MLXIPL: variants seen among roughly 807,000 people sequenced by gnomAD.
MLXIPL encodes carbohydrate-responsive element-binding protein.
A neutral mutation model predicts 81.5 loss-of-function variants in MLXIPL; 49 were observed. That is an observed-to-expected ratio of 0.60 (90% CI 0.48 to 0.76). MLXIPL has a LOEUF of 0.76. MLXIPL is among the 30% of genes least tolerant of loss of function. The probability of loss-of-function intolerance (pLI) is 0.00; values close to 1 mark genes in which losing one functional copy is unlikely to be tolerated. For synonymous variants in MLXIPL, 466 were observed against 485.5 expected, an observed-to-expected ratio of 0.96 and a Z score of 0.53; for missense variants, 1,053 against 1,167.0, an observed-to-expected ratio of 0.90 and a Z score of 1.42.
At chr7:73,599,308 C>G (rs1202722397) in intron 8 of MLXIPL, among the ~76,000 whole-genome samples, 1 of 151,630 alleles carries the variant, frequency 6.6e-6, no homozygotes, top group Admixed American at 6.6e-5. Context: ...GAGCCCATTC[C>G]ATGGTCTCCA....
At chr7:73,606,577 C>A in intron 5 of MLXIPL, 1 of 317,022 alleles carries the variant, frequency 3.2e-6, no homozygotes, top group Non-Finnish European at 6.1e-6. Flanking sequence ...AGGCATGCGC[C>A]ACTATGCCCG....
chr7:73,632,216 G>A, the MLXIPL span, among the ~76,000 whole-genome samples: 1 of 151,212 alleles, frequency 6.6e-6, no homozygotes, highest in African/African-American at 2.4e-5. Context: ...TGTCCAAGCT[G>A]GTCTTGAACT....
rs782225110 is a variant in MLXIPL, at chr7:73,596,761, G to C, written c.1700C>G (p.Thr567Arg). Residue 567 changes from threonine (T) to arginine (R), a missense_variant, in exon 11 of 17, where the codon ACA becomes AGA. Thr to Arg is a moderately conservative substitution (Grantham distance 71). This residue lies in a region of MLXIPL where 823 missense variants were observed against 933.0 expected (regional missense o/e 0.88). Coordinates refer to ENST00000313375, the MANE Select transcript of MLXIPL (RefSeq NM_032951.3). The surrounding 1 kb of genome is among the most constrained non-coding windows in gnomAD (Gnocchi z 4.7). ...PQETVPEFPC[T>R]FLPPTPAPTP... is the part of the protein sequence containing the mutation. ...AGGGGCCGGGGTCGGGGGAAGGAAT[G>C]TGCAGGGGAATTCAGGGACTGTCTC... is the stretch of plus-strand genomic sequence containing the variant. The C allele has an allele frequency of 9.4e-6, 15 of 1,602,562 alleles. No individual in the cohort carries two copies. In the Admixed American group the frequency reaches 1.0e-4, roughly 11 times the overall value.
chr7:73,645,222 C>A, the MLXIPL span, among the ~76,000 whole-genome samples: 1 of 152,066 alleles, frequency 6.6e-6, no homozygotes, highest in African/African-American at 2.4e-5. Flanking sequence ...AGACACAGAT[C>A]TTTCTATGCT....
intron 1 of MLXIPL, 105 bp downstream of exon 1, chr7:73,624,095 G>A: frequency 2.1e-6 from 3 of 1,401,940 alleles, no homozygotes; most frequent in South Asian, 3.0e-5. Flanking sequence ...CCGCAGGACC[G>A]GGCTCGGGTG....
chr7:73,629,972 ATTT>A, the MLXIPL span, among the ~76,000 whole-genome samples: 5 of 93,378 alleles, frequency 5.4e-5, no homozygotes, highest in Non-Finnish European at 6.7e-5. Flanking sequence ...CTTTTTTATT[ATTT>A]TTATTTATTT....
chr7:73,622,769 C>T (rs1317851519), intron 1 of MLXIPL, among the ~76,000 whole-genome samples: 1 of 151,982 alleles, frequency 6.6e-6, no homozygotes, highest in Non-Finnish European at 1.5e-5. Context: ...TTTGGGGGTG[C>T]GCTCTGTCCC....
the MLXIPL span, among the ~76,000 whole-genome samples, chr7:73,637,975 C>T: frequency 6.6e-6 from 1 of 152,162 alleles, no homozygotes; most frequent in Admixed American, 6.6e-5. Context: ...CCAGGCTCAG[C>T]CTGTCTCAAT....
chr7:73,624,176 G>T (rs1292656720), intron 1 of MLXIPL, 24 bp downstream of exon 1: 16 of 1,142,918 alleles, frequency 1.4e-5, no homozygotes, highest in Admixed American at 2.4e-5. Context: ...AGCCAAGGCC[G>T]TCAGGGCCCG....
At chr7:73,598,752 T>C (rs782574002) in intron 8 of MLXIPL, among the ~76,000 whole-genome samples, 5 of 151,920 alleles carry the variant, frequency 3.3e-5, no homozygotes, top group Non-Finnish European at 7.4e-5. Flanking sequence ...CAGCAACCGA[T>C]TAGAATTAGC....
In MLXIPL at chr7:73,596,803, G is replaced by A; in HGVS notation, c.1672-14C>T. The A allele has an allele frequency of 6.2e-7, 1 of 1,607,794 alleles. No individual in the cohort carries two copies. The highest frequency in any genetic ancestry group is 8.5e-7 in the Non-Finnish European group (1 of 1,177,896). On this transcript the variant is annotated splice_polypyrimidine_tract_variant and intron_variant, in intron 10 of 16. Coordinates refer to ENST00000313375, the MANE Select transcript of MLXIPL (RefSeq NM_032951.3). This position sits in a 1 kb window ranked among gnomAD's most constrained non-coding sequence, Gnocchi z 4.7. ...GACTGTCTCCTGCTGGGGTGGAGAA[G>A]GGCGGAGAGTCGGGTTGAAGGCCGT...
chr7:73,630,285 CT>C, the MLXIPL span, among the ~76,000 whole-genome samples: 35 of 97,838 alleles, frequency 3.6e-4, no homozygotes, highest in South Asian at 1.0e-3. Context: ...GCCAGCTTGT[CT>C]TTTTTTTTTT....
In MLXIPL at chr7:73,596,084, T is replaced by A; in HGVS notation, c.2058+69A>T. The A allele has an allele frequency of 3.8e-6, 6 of 1,597,044 alleles. No homozygotes were observed. Among genetic ancestry groups the A allele is most frequent in the Non-Finnish European group, 5.1e-6 (6 of 1,174,452 alleles). On this transcript the variant is annotated intron_variant, in intron 13 of 16. Coordinates refer to ENST00000313375, the MANE Select transcript of MLXIPL (RefSeq NM_032951.3). This position sits in a 1 kb window ranked among gnomAD's most constrained non-coding sequence, Gnocchi z 4.7. ...TCTGGAGCACTCCCCTGCAATTGAGTTTTGGGTGGGGGGGGTCCAGAAAGG... is the reference window on the plus strand; with the variant it reads ...TCTGGAGCACTCCCCTGCAATTGAGATTTGGGTGGGGGGGGTCCAGAAAGG...
chr7:73,605,829 C>T, intron 6 of MLXIPL, 61 bp from the exon 7 acceptor site: 1 of 1,580,424 alleles, frequency 6.3e-7, no homozygotes, highest in Admixed American at 1.8e-5. Flanking sequence ...TCCCCACCCC[C>T]ATCCCCAGCC....
At position 73,596,651 on chromosome 7, in the gene MLXIPL, G is replaced by C; in HGVS notation, c.1810C>G (p.Pro604Ala). 6.3e-7 allele frequency: 1 copy of C among 1,596,266 alleles called. No homozygotes were observed. Among genetic ancestry groups the C allele is most frequent in the Non-Finnish European group, 8.5e-7 (1 of 1,171,246 alleles). ...CCCCTCTCTTTACCGCTGGGCGCTG[G>C]GGGTGAGAGCCGCTCCGCTTTGGGG... ...LVPKAERLSP[P>A]APSGSERRLS... is the part of the protein sequence containing the mutation. The change falls in exon 11 of 17, where the codon CCA becomes GCA. Residue 604 changes from proline to alanine, a missense_variant. Around this residue, in one of 3 missense-constraint regions of MLXIPL, gnomAD observed 823 missense variants for 933.0 expected, o/e 0.88. Coordinates refer to ENST00000313375, the MANE Select transcript of MLXIPL (RefSeq NM_032951.3). The surrounding 1 kb of genome is among the most constrained non-coding windows in gnomAD (Gnocchi z 4.7).
the MLXIPL span, among the ~76,000 whole-genome samples, chr7:73,638,945 C>T: frequency 1.3e-5 from 2 of 151,736 alleles, no homozygotes; most frequent in Non-Finnish European, 2.9e-5. Context: ...CAACCCAGTA[C>T]TTTTTGACTA....
chr7:73,634,452 C>A, the MLXIPL span, among the ~76,000 whole-genome samples: 155 of 152,214 alleles, frequency 1.0e-3, 1 homozygote, highest in African/African-American at 3.7e-3. Flanking sequence ...AGTGCAGTGG[C>A]TCGATCTTGG....
At chr7:73,609,446 A>G (rs537750439) in intron 2 of MLXIPL, 3 of 151,826 alleles carry the variant, frequency 2.0e-5, no homozygotes, top group Admixed American at 6.6e-5. Context: ...TGGTTTCACC[A>G]TATTGGTCAG....
chr7:73,595,977 C>T lies in MLXIPL; in HGVS notation c.2059-8G>A, dbSNP rs373066193. The T allele has an allele frequency of 5.9e-5, 95 of 1,612,252 alleles. No homozygotes were observed. In the South Asian group the frequency reaches 6.4e-4, roughly 11 times the overall value. ...CGTGGTAGCTTTGCTCACCTGCAGA[C>T]GCCACCAGGGGGGCTCAGGCAGGTG... On this transcript the variant is annotated splice_polypyrimidine_tract_variant and splice_region_variant and intron_variant, in intron 13 of 16. Transcript: ENST00000313375.
Sources: allele counts gnomAD v4.1 joint callset (sites outside exome capture counted in the v4.1 genomes callset), GRCh38; gene constraint gnomAD v4.1.1; regional missense constraint gnomAD v4.1.1; non-coding constraint Gnocchi (gnomAD v3.1); transcripts MANE v1.5; gene names NCBI Gene and HGNC (gene_info 2026-07-23, HGNC 2026-07-21).